The following XRCC4 variants were observed in gnomAD, a reference collection of about 807,000 sequenced individuals.
XRCC4 encodes the protein X-ray repair cross complementing 4, also known as DNA repair protein XRCC4.
A neutral mutation model predicts 39.1 loss-of-function variants in XRCC4; 28 were observed. The observed-to-expected ratio is 0.72, with a 90% confidence interval of 0.53 to 0.98. The LOEUF is 0.98. Among genes scored for constraint, XRCC4 ranks in the 50% least tolerant of loss-of-function variants. The pLI is 0.00. For synonymous variants in XRCC4, 123 were observed against 126.4 expected, an observed-to-expected ratio of 0.97 and a Z score of 0.18; for missense variants, 350 against 376.4, an observed-to-expected ratio of 0.93 and a Z score of 0.58.
intron 4 of XRCC4, among the ~76,000 whole-genome samples, chr5:83,196,388 A>G (rs1402402604): frequency 6.6e-6 from 1 of 152,146 alleles, no homozygotes; most frequent in Non-Finnish European, 1.5e-5. Context: ...CTCTGGATTT[A>G]TTGAAAATTC....
At chr5:83,164,223 T>C (rs184667828) in intron 3 of XRCC4, among the ~76,000 whole-genome samples, 2 of 152,238 alleles carry the variant, frequency 1.3e-5, no homozygotes, top group Admixed American at 1.3e-4. Context: ...TACCATAGAA[T>C]TAAAAACTCT....
At chr5:83,227,614 T>G (rs1441601252) in intron 6 of XRCC4, among the ~76,000 whole-genome samples, 1 of 152,112 alleles carries the variant, frequency 6.6e-6, no homozygotes, top group East Asian at 1.9e-4. Flanking sequence ...CCGGTTGGTA[T>G]TATTTCAGCT....
intron 7 of XRCC4, among the ~76,000 whole-genome samples, chr5:83,311,328 T>A (rs1755704237): frequency 6.6e-6 from 1 of 152,178 alleles, no homozygotes; most frequent in Non-Finnish European, 1.5e-5. Context: ...AATAATCTAT[T>A]GTAATTTCAA....
At chr5:83,327,218 G>GC (rs1301344363) in intron 7 of XRCC4, among the ~76,000 whole-genome samples, 16 of 152,014 alleles carry the variant, frequency 1.1e-4, no homozygotes, top group Admixed American at 9.9e-4. Context: ...CCCACACCCA[G>GC]CCCTGGCAAC....
chr5:83,100,463 T>C (rs1338933974), intron 1 of XRCC4, among the ~76,000 whole-genome samples: 1 of 152,104 alleles, frequency 6.6e-6, no homozygotes, highest in African/African-American at 2.4e-5. Context: ...TTCTCTGTAA[T>C]TAGAAATTTG....
At chr5:83,302,738 T>C (rs749886794) in intron 7 of XRCC4, among the ~76,000 whole-genome samples, 5 of 152,180 alleles carry the variant, frequency 3.3e-5, no homozygotes, top group Non-Finnish European at 5.9e-5. Context: ...AGGAATAACA[T>C]CAATTACAAA....
intron 3 of XRCC4, among the ~76,000 whole-genome samples, chr5:83,122,159 A>G (rs1011412794): frequency 1.3e-5 from 2 of 152,170 alleles, no homozygotes; most frequent in Non-Finnish European, 1.5e-5. Context: ...TTAGTTATCT[A>G]TTATTTCAAA....
At chr5:83,156,471 A>G (rs566448654) in intron 3 of XRCC4, among the ~76,000 whole-genome samples, 2 of 151,812 alleles carry the variant, frequency 1.3e-5, no homozygotes, top group East Asian at 3.9e-4. Flanking sequence ...CTGATTGACA[A>G]AGAAAAAAGG....
chr5:83,313,909 TAA>T (rs1755792193), intron 7 of XRCC4, among the ~76,000 whole-genome samples: 3 of 146,856 alleles, frequency 2.0e-5, no homozygotes, highest in South Asian at 2.1e-4. Context: ...CATTAAAATA[TAA>T]GTTTTATAAA....
intron 7 of XRCC4, among the ~76,000 whole-genome samples, chr5:83,275,148 G>A (rs1252237854): frequency 1.3e-5 from 2 of 152,134 alleles, no homozygotes; most frequent in African/African-American, 4.8e-5. Flanking sequence ...GTTTGATTTA[G>A]AATAAGGGAG....
At chr5:83,342,365 A>G (rs1451004873) in intron 7 of XRCC4, among the ~76,000 whole-genome samples, 1 of 152,142 alleles carries the variant, frequency 6.6e-6, no homozygotes, top group Non-Finnish European at 1.5e-5. Flanking sequence ...TAATATATGT[A>G]TATTTTACAG....
chr5:83,185,773 A>T (rs996362279), intron 3 of XRCC4, among the ~76,000 whole-genome samples: 2 of 152,152 alleles, frequency 1.3e-5, no homozygotes, highest in Non-Finnish European at 2.9e-5. Flanking sequence ...TTTCATATGA[A>T]TAAGGAGAGA....
chr5:83,334,378 C>T (rs1756528493), intron 7 of XRCC4, among the ~76,000 whole-genome samples: 1 of 151,954 alleles, frequency 6.6e-6, no homozygotes. Flanking sequence ...AAGAACATTA[C>T]CTAGAAAGAG....
At chr5:83,084,449 A>C (rs555095301) in intron 1 of XRCC4, among the ~76,000 whole-genome samples, 6 of 152,298 alleles carry the variant, frequency 3.9e-5, no homozygotes, top group African/African-American at 1.2e-4. Context: ...TGGGGAGGAA[A>C]ACATTCTTGA....
At chr5:83,273,185 A>C (rs1168805064) in intron 7 of XRCC4, among the ~76,000 whole-genome samples, 2 of 152,094 alleles carry the variant, frequency 1.3e-5, no homozygotes, top group Non-Finnish European at 2.9e-5. Flanking sequence ...GTGATGATAA[A>C]CTTTTTTTCA....
chr5:83,222,099 A>G (rs1019412011), intron 6 of XRCC4, among the ~76,000 whole-genome samples: 2 of 151,812 alleles, frequency 1.3e-5, no homozygotes, highest in Non-Finnish European at 2.9e-5. Flanking sequence ...AACATCATAT[A>G]GTTGTTTTTT....
At chr5:83,275,672 A>C (rs191064499) in intron 7 of XRCC4, among the ~76,000 whole-genome samples, 1 of 152,272 alleles carries the variant, frequency 6.6e-6, no homozygotes, top group Non-Finnish European at 1.5e-5. Context: ...TCCTGCGACA[A>C]ATGAGGTATG....
intron 7 of XRCC4, among the ~76,000 whole-genome samples, chr5:83,302,056 C>T: frequency 6.6e-6 from 1 of 152,084 alleles, no homozygotes. Flanking sequence ...GATGCCCCTC[C>T]CCCTACTAAG....
In XRCC4 at chr5:83,151,527, G is replaced by T. The variant is rs1030236518; in HGVS notation, c.315+40324G>T. 3.9e-5 allele frequency among the ~76,000 whole-genome samples: 6 copies of T among 152,168 alleles called. No homozygotes were observed. The East Asian group carries it at 1.2e-3, about 29-fold the overall frequency. On this transcript the variant is annotated intron_variant, in intron 3 of 7. Transcript: ENST00000396027. The stretch of plus-strand genomic sequence containing the variant: ...ATCAGGCCTTAAAAGCTGACCAACA[G>T]AAAAAACTTGAATTACTATAAACCT...
Sources: gnomAD v4.1 joint callset for allele counts (sites outside exome capture counted in the v4.1 genomes callset) on GRCh38, gnomAD v4.1.1 for gene constraint, MANE v1.5 for transcripts, NCBI Gene and HGNC (gene_info 2026-07-23, HGNC 2026-07-21) for gene names.